LSAMP: variants seen among roughly 807,000 people sequenced by gnomAD.
LSAMP encodes limbic system associated membrane protein, also known as limbic system-associated membrane protein.
Under a neutral mutation model 38.6 loss-of-function variants are expected in LSAMP, and 7 were observed. That is an observed-to-expected ratio of 0.18 (90% CI 0.10 to 0.34). LSAMP has a LOEUF of 0.34. Among genes scored for constraint, LSAMP ranks in the 10% least tolerant of loss-of-function variants. The probability of loss-of-function intolerance (pLI) is 1.00; values close to 1 mark genes in which losing one functional copy is unlikely to be tolerated. For missense variants in LSAMP, 313 were observed against 420.0 expected (o/e 0.75, Z 2.23); for synonymous variants, 154 against 166.8 (o/e 0.92, Z 0.59).
intron 1 of LSAMP, among the ~76,000 whole-genome samples, chr3:116,159,320 C>CCT: frequency 6.6e-6 from 1 of 152,040 alleles, no homozygotes; most frequent in Non-Finnish European, 1.5e-5. Flanking sequence ...AAACAGACAA[C>CCT]CTATAGAATG....
intron 2 of LSAMP, among the ~76,000 whole-genome samples, chr3:116,023,332 C>T (rs563075271): frequency 5.9e-5 from 9 of 151,938 alleles, no homozygotes; most frequent in African/African-American, 9.7e-5. Context: ...CGGTGGCTCA[C>T]GCCTGTAATC....
Position 116,399,065 on chromosome 3 carries a change from T to C in LSAMP, c.155+45812A>G, listed in dbSNP as rs72951912. Among the ~76,000 whole-genome samples the C allele has an allele frequency of 7.6e-3, 1,154 of 152,220 alleles. 26 individuals carry two copies. The highest frequency in any genetic ancestry group is 0.026 in the African/African-American group (1,082 of 41,538). ...GGAAGAAGTTCAGTGTGATTACATT[T>C]CAAATGGACTGGAAAGCAAGAGAAG... On this transcript the variant is annotated intron_variant, in intron 1 of 6. Coordinates refer to ENST00000490035, the MANE Select transcript of LSAMP (RefSeq NM_002338.5).
At chr3:115,907,523 G>C (rs1937037383) in intron 3 of LSAMP, among the ~76,000 whole-genome samples, 1 of 152,068 alleles carries the variant, frequency 6.6e-6, no homozygotes, top group African/African-American at 2.4e-5. Flanking sequence ...AATTTCTGTT[G>C]TTTGTAAATC....
chr3:116,002,060 A>G (rs967651947), intron 3 of LSAMP, among the ~76,000 whole-genome samples: 11 of 152,086 alleles, frequency 7.2e-5, no homozygotes, highest in South Asian at 6.2e-4. Context: ...TCATCTTTCT[A>G]TAGATGATGA....
In LSAMP at chr3:116,431,447, C is replaced by T. The variant is rs116828262; in HGVS notation, c.155+13430G>A. ...ATCTATTTAACACTACATTCTAGCACGTAGGCTTTTGGTGGGTAGAGTGAT... is the reference window on the plus strand; with the variant it reads ...ATCTATTTAACACTACATTCTAGCATGTAGGCTTTTGGTGGGTAGAGTGAT... On this transcript the variant is annotated intron_variant, in intron 1 of 6. Transcript: ENST00000490035. Among the ~76,000 whole-genome samples, 1,039 of 152,150 alleles carry T rather than the reference C, an allele frequency of 6.8e-3. 12 individuals are homozygous for T. The highest frequency in any genetic ancestry group is 0.023 in the African/African-American group (965 of 41,546).
At chr3:116,267,946 G>A (rs2046913890) in intron 1 of LSAMP, among the ~76,000 whole-genome samples, 1 of 152,088 alleles carries the variant, frequency 6.6e-6, no homozygotes, top group South Asian at 2.1e-4. Flanking sequence ...AATGACTGGA[G>A]CACCAAACTC....
intron 3 of LSAMP, among the ~76,000 whole-genome samples, chr3:115,962,476 G>A (rs570614017): frequency 1.3e-5 from 2 of 152,330 alleles, no homozygotes; most frequent in Admixed American, 1.3e-4. Context: ...AGATCCAGGT[G>A]TGAGTCCCAG....
rs1434288658 is a variant in LSAMP, at chr3:116,204,411, C to T, written c.156-117855G>A. ...GCAGAAGCTCTTTAGTTTAATTAAA[C>T]CCCATTTGTCAATTTTGTCTTTTAT... On this transcript the variant is annotated intron_variant, in intron 1 of 6. Coordinates refer to ENST00000490035, the MANE Select transcript of LSAMP (RefSeq NM_002338.5). 2.6e-5 allele frequency among the ~76,000 whole-genome samples: 4 copies of T among 152,230 alleles called. No individual in the cohort carries two copies. In the East Asian group the frequency reaches 5.8e-4, roughly 22 times the overall value.
rs1167427548 is a variant in LSAMP, at chr3:115,803,933, C to T, written c.*6384G>A. ...ATGTTTCCTTTCTTATGCACAATGT[C>T]CTCATTTGTTACATGCATAATACCC... is the stretch of plus-strand genomic sequence containing the variant. On this transcript the variant is annotated 3_prime_UTR_variant, in exon 7 of 7. Transcript: ENST00000490035. 1.3e-5 allele frequency: 2 copies of T among 152,178 alleles called. No individual in the cohort carries two copies. The highest frequency in any genetic ancestry group is 2.1e-4 in the South Asian group (1 of 4,824). 9.4% of individuals were successfully genotyped at this position (152,178 alleles called of 1,614,324 possible).
At chr3:116,208,712 C>T (rs942790909) in intron 1 of LSAMP, among the ~76,000 whole-genome samples, 3 of 148,834 alleles carry the variant, frequency 2.0e-5, no homozygotes, top group Non-Finnish European at 4.5e-5. Flanking sequence ...TTAGGCTGCT[C>T]GGGGGTCAGG....
chr3:116,392,868 C>T (rs942844110), intron 1 of LSAMP, among the ~76,000 whole-genome samples: 4 of 152,146 alleles, frequency 2.6e-5, no homozygotes, highest in African/African-American at 9.7e-5. Flanking sequence ...AGAGGAGCTG[C>T]CCATCCCAGG....
At chr3:116,035,875 CTT>C (rs1170244686) in intron 2 of LSAMP, among the ~76,000 whole-genome samples, 1 of 152,232 alleles carries the variant, frequency 6.6e-6, no homozygotes, top group Non-Finnish European at 1.5e-5. Context: ...TCTCCAACCT[CTT>C]GGGGTTCCTT....
chr3:116,380,125 A>G (rs1228854267), intron 1 of LSAMP, among the ~76,000 whole-genome samples: 1 of 151,802 alleles, frequency 6.6e-6, no homozygotes, highest in Non-Finnish European at 1.5e-5. Context: ...TGACAACCTC[A>G]CTGATTCATG....
rs189260690 is a variant in LSAMP at position 115,811,548 on chromosome 3, G to A, written c.920-1134C>T. On this transcript the variant is annotated intron_variant, in intron 6 of 6. Transcript: ENST00000490035. ...TAAAAATTTTGAGAGTGCGTATGCAGATGGATTATGTGTGAGTGTGTGTGT... is the reference window on the plus strand; with the variant it reads ...TAAAAATTTTGAGAGTGCGTATGCAAATGGATTATGTGTGAGTGTGTGTGT... 1.7e-3 allele frequency among the ~76,000 whole-genome samples: 244 copies of A among 146,532 alleles called. 2 individuals carry two copies. Among genetic ancestry groups the A allele is most frequent in the African/African-American group, 6.2e-3 (234 of 37,918 alleles).
intron 1 of LSAMP, among the ~76,000 whole-genome samples, chr3:116,310,362 C>T (rs1207599449): frequency 6.6e-6 from 1 of 152,138 alleles, no homozygotes; most frequent in Non-Finnish European, 1.5e-5. Flanking sequence ...ACTGCTCTTG[C>T]AAAACTAAGT....
chr3:115,836,281 C>T (rs1375472479), intron 6 of LSAMP, among the ~76,000 whole-genome samples: 1 of 152,190 alleles, frequency 6.6e-6, no homozygotes, highest in Non-Finnish European at 1.5e-5. Context: ...CCATCCTATT[C>T]ACGTATCTTT....
intron 6 of LSAMP, among the ~76,000 whole-genome samples, chr3:115,830,709 T>C (rs1430334061): frequency 6.6e-6 from 1 of 152,224 alleles, no homozygotes; most frequent in Non-Finnish European, 1.5e-5. Flanking sequence ...ATACTAAGGA[T>C]GGTATTCTAC....
intron 3 of LSAMP, among the ~76,000 whole-genome samples, chr3:115,979,205 GA>G (rs1204262176): frequency 2.0e-5 from 3 of 148,020 alleles, no homozygotes; most frequent in African/African-American, 5.0e-5. Flanking sequence ...AGAGAGGGAA[GA>G]AAAAAAACAG....
At chr3:115,980,085 A>G (rs985539121) in intron 3 of LSAMP, among the ~76,000 whole-genome samples, 7 of 152,104 alleles carry the variant, frequency 4.6e-5, no homozygotes, top group African/African-American at 7.2e-5. Flanking sequence ...TTTATTATTA[A>G]AAAAATACTT....
Sources: gnomAD v4.1 joint callset for allele counts (sites outside exome capture counted in the v4.1 genomes callset) on GRCh38, gnomAD v4.1.1 for gene constraint, MANE v1.5 for transcripts, NCBI Gene and HGNC (gene_info 2026-07-23, HGNC 2026-07-21) for gene names.